Variants in PAX3 observed in about 807,000 individuals in gnomAD.
The protein encoded by PAX3 is paired box 3.
A neutral mutation model predicts 51.6 loss-of-function variants in PAX3; 14 were observed. The ratio of observed to expected loss-of-function variants is 0.27; its 90% CI spans 0.18 to 0.42. The LOEUF (loss-of-function observed/expected upper bound fraction) is 0.42. PAX3 is among the 10% of genes least tolerant of loss of function. The probability of loss-of-function intolerance (pLI) is 1.00; values close to 1 mark genes in which losing one functional copy is unlikely to be tolerated. For missense variants in PAX3, 540 were observed against 642.8 expected (o/e 0.84, Z 1.73); for synonymous variants, 280 against 253.4 (o/e 1.11, Z -1.00).
intron 7 of PAX3, among the ~76,000 whole-genome samples, chr2:222,212,517 A>C (rs1464632353): frequency 6.6e-6 from 1 of 152,088 alleles, no homozygotes; most frequent in East Asian, 1.9e-4. Flanking sequence ...ACTGAATTCG[A>C]GCTAAATGTC....
At chr2:222,215,435 C>T (rs1456482612) in intron 7 of PAX3, among the ~76,000 whole-genome samples, 4 of 152,042 alleles carry the variant, frequency 2.6e-5, no homozygotes, top group African/African-American at 4.8e-5. Flanking sequence ...CTGTATTTCA[C>T]TCAGGAAATC....
intron 4 of PAX3, chr2:222,293,722 T>C: frequency 6.2e-7 from 1 of 1,614,174 alleles, no homozygotes; most frequent in Non-Finnish European, 8.5e-7. Flanking sequence ...CTCTCTCTCC[T>C]TTAATGCGAG....
chr2:222,293,589 T>G, intron 4 of PAX3: 1 of 1,596,798 alleles, frequency 6.3e-7, no homozygotes, highest in Non-Finnish European at 8.6e-7. Flanking sequence ...ACACACAGGT[T>G]AAACCCCCTC....
chr2:222,231,461 A>G (rs1692591210), intron 5 of PAX3, among the ~76,000 whole-genome samples: 1 of 152,244 alleles, frequency 6.6e-6, no homozygotes, highest in African/African-American at 2.4e-5. Flanking sequence ...TCAAAAGATA[A>G]TTCAACATGT....
rs185873964 is a variant in PAX3 at position 222,295,385 on chromosome 2, G to A, written c.451+143C>T. 434 of 967,762 alleles carry A rather than the reference G, an allele frequency of 4.5e-4. 1 individual carries two copies. In the African/African-American group the frequency reaches 6.4e-3, roughly 14 times the overall value. The allele number at this position is 967,762 out of a possible 1,614,324, so 59.9% of individuals were successfully genotyped here. A position where few individuals can be genotyped will look rare whatever the true frequency, so the allele number is the denominator to read the frequency against. The stretch of plus-strand genomic sequence containing the variant: ...CCTCCATAAAGTGCCAAGAACACCG[G>A]GTTGGCAAATATTGCAGGGCCTCGG... On this transcript the variant is annotated intron_variant, in intron 3 of 8. Coordinates refer to ENST00000392070, the MANE Select transcript of PAX3 (RefSeq NM_181458.4).
chr2:222,210,687 C>T (rs528310131), intron 7 of PAX3, among the ~76,000 whole-genome samples: 4 of 152,068 alleles, frequency 2.6e-5, no homozygotes, highest in Admixed American at 2.0e-4. Flanking sequence ...TATCCAGCCA[C>T]CTTAGAGTTA....
chr2:222,213,664 C>G (rs1024133835), intron 7 of PAX3, among the ~76,000 whole-genome samples: 1 of 152,182 alleles, frequency 6.6e-6, no homozygotes, highest in East Asian at 1.9e-4. Flanking sequence ...CAAAATCACT[C>G]CTTTCTCTTC....
intron 5 of PAX3, among the ~76,000 whole-genome samples, chr2:222,228,918 G>A (rs946837370): frequency 1.3e-5 from 2 of 152,052 alleles, no homozygotes; most frequent in Admixed American, 1.3e-4. Context: ...TACAGGCTGG[G>A]CAACAAAGTG....
At chr2:222,260,893 C>G (rs576712491) in intron 4 of PAX3, among the ~76,000 whole-genome samples, 1 of 152,194 alleles carries the variant, frequency 6.6e-6, no homozygotes, top group South Asian at 2.1e-4. Flanking sequence ...TGCCGCAACA[C>G]AAGATTTTAA....
intron 5 of PAX3, among the ~76,000 whole-genome samples, chr2:222,227,989 G>A (rs1035514187): frequency 9.9e-5 from 15 of 152,124 alleles, no homozygotes; most frequent in Non-Finnish European, 1.6e-4. Flanking sequence ...GGGGTGTTTC[G>A]TGTTTGGTTT....
chr2:222,255,420 C>G (rs58511997), intron 4 of PAX3, among the ~76,000 whole-genome samples: 17,649 of 152,206 alleles, frequency 0.12, 1,252 homozygotes, highest in East Asian at 0.32. Context: ...CACCTGAGCT[C>G]TTTGTTAAAA....
intron 3 of PAX3, 24 bp from the exon 4 acceptor site, chr2:222,294,325 G>A (rs781726715): frequency 6.2e-7 from 1 of 1,613,696 alleles, no homozygotes; most frequent in South Asian, 1.1e-5. Context: ...GAGGAAGGAA[G>A]CAAGGGAGCG....
chr2:222,204,557 G>A lies in PAX3; in HGVS notation c.1174-2367C>T, dbSNP rs1446724991. Among the ~76,000 whole-genome samples the A allele has an allele frequency of 4.6e-5, 7 of 152,086 alleles. No homozygotes were observed. In the East Asian group the frequency reaches 1.2e-3, roughly 25 times the overall value. The stretch of plus-strand genomic sequence containing the variant: ...GCCAAACACACTCCTTTCAAATCAG[G>A]AGTACATTTTCGTGTGTGATCCTGA... On this transcript the variant is annotated intron_variant, in intron 7 of 8. Transcript: ENST00000392070.
intron 4 of PAX3, among the ~76,000 whole-genome samples, chr2:222,278,664 A>G (rs1421550997): frequency 1.3e-5 from 2 of 152,162 alleles, no homozygotes; most frequent in Non-Finnish European, 2.9e-5. Flanking sequence ...TCAATGGGGA[A>G]TTGTGCCCTA....
chr2:222,208,651 T>A (rs1691603520), intron 7 of PAX3, among the ~76,000 whole-genome samples: 1 of 152,192 alleles, frequency 6.6e-6, no homozygotes, highest in African/African-American at 2.4e-5. Context: ...ACAACCACTG[T>A]AGCCCTCTAA....
chr2:222,293,553 G>T, intron 4 of PAX3: 1 of 1,428,758 alleles, frequency 7.0e-7, no homozygotes. Context: ...GTAACCCAGA[G>T]CTTGGGTTCC....
chr2:222,265,811 A>G (rs948163351), intron 4 of PAX3, among the ~76,000 whole-genome samples: 8 of 152,248 alleles, frequency 5.3e-5, no homozygotes, highest in Non-Finnish European at 1.2e-4. Context: ...TCTTTAGTTT[A>G]TGCATATACA....
chr2:222,292,059 A>G (rs1356115898), intron 4 of PAX3, among the ~76,000 whole-genome samples: 1 of 146,780 alleles, frequency 6.8e-6, no homozygotes, highest in Non-Finnish European at 1.5e-5. Context: ...GAATACTCTG[A>G]TTTTAAAAAT....
At chr2:222,291,969 G>GGTGTGTGTGTGTGTGTGTGT (rs3997675) in intron 4 of PAX3, among the ~76,000 whole-genome samples, 7 of 133,642 alleles carry the variant, frequency 5.2e-5, no homozygotes, top group Admixed American at 2.2e-4. Flanking sequence ...CAGCCTCCAA[G>GGTGTGTGTGTGTGTGTGTGT]GTGTGTGTGT....
Sources: allele counts gnomAD v4.1 joint callset (sites outside exome capture counted in the v4.1 genomes callset), GRCh38; gene constraint gnomAD v4.1.1; transcripts MANE v1.5; gene names NCBI Gene and HGNC (gene_info 2026-07-23, HGNC 2026-07-21).